Variants in CCDC30 observed in about 807,000 individuals in gnomAD.
CCDC30 encodes the protein coiled-coil domain-containing protein 30.
A neutral mutation model predicts 100.2 loss-of-function variants in CCDC30; 70 were observed. That is an observed-to-expected ratio of 0.70 (90% confidence interval 0.58 to 0.85). The LOEUF (loss-of-function observed/expected upper bound fraction) is 0.85, where lower values mean the gene tolerates loss of function less well. Ranked by LOEUF, CCDC30 falls within the 40% of genes least tolerant of loss-of-function variation. CCDC30 has a pLI of 0.00. For missense variants in CCDC30, 652 were observed against 771.2 expected (o/e 0.85, Z 1.83); for synonymous variants, 233 against 269.5 (o/e 0.86, Z 1.33).
In CCDC30 at chr1:42,556,184, G is replaced by A. The variant is rs1394273543; in HGVS notation, c.457-10112G>A. ...CAAATTAGGAGAAAGAAAGCAGAAG[G>A]AAATTCCAGAGGAGTCAGTAAAGGA... On this transcript the variant is annotated intron_variant, in intron 6 of 16. Coordinates refer to ENST00000668663, the Ensembl canonical transcript of CCDC30. The A allele has an allele frequency of 3.1e-6, 5 of 1,612,476 alleles. No homozygotes were observed. The South Asian group carries it at 5.5e-5, about 18-fold the overall frequency.
chr1:42,522,210 A>G lies in CCDC30; in HGVS notation c.456+23294A>G, dbSNP rs560833812. On this transcript the variant is annotated intron_variant, in intron 6 of 16. Coordinates refer to ENST00000668663, the Ensembl canonical transcript of CCDC30. ...TATTGTTATTTTTATTTTTTTTAATATTTTCAATCCAGGGTTGGTTGAAAT... is the reference window on the plus strand; with the variant it reads ...TATTGTTATTTTTATTTTTTTTAATGTTTTCAATCCAGGGTTGGTTGAAAT... 8.5e-5 allele frequency among the ~76,000 whole-genome samples: 13 copies of G among 152,100 alleles called. 1 individual carries two copies. The highest frequency in any genetic ancestry group is 3.1e-4 in the African/African-American group (13 of 41,510).
At chr1:42,502,550 G>A (rs1400135362) in intron 6 of CCDC30, among the ~76,000 whole-genome samples, 2 of 152,272 alleles carry the variant, frequency 1.3e-5, no homozygotes, top group Middle Eastern at 3.4e-3. Context: ...CATCTTCTGC[G>A]TCGCTCATGC....
chr1:42,568,234 C>G lies in CCDC30; in HGVS notation c.636+1759C>G, dbSNP rs573242213. Among the ~76,000 whole-genome samples the G allele has an allele frequency of 2.0e-5, 3 of 152,316 alleles. No individual in the cohort carries two copies. In the South Asian group the frequency reaches 6.2e-4, roughly 32 times the overall value. ...GGTTCAAGAGATTCTCCTGCCTCAG[C>G]TTCCTGAGTTGCTGGGATTATAGGC... On this transcript the variant is annotated intron_variant, in intron 7 of 16. Transcript: ENST00000668663.
intron 1 of CCDC30, among the ~76,000 whole-genome samples, chr1:42,471,765 C>A: frequency 6.6e-6 from 1 of 152,098 alleles, no homozygotes; most frequent in East Asian, 1.9e-4. Context: ...GGGTGTTTTT[C>A]ATCAGTATGA....
the CCDC30 span, chr1:42,457,585 T>TC: frequency 1.8e-6 from 1 of 550,270 alleles, no homozygotes; most frequent in East Asian, 3.1e-5. Context: ...CAAAGTGCAG[T>TC]CAGATCATGG....
chr1:42,615,663 A>G (rs1646713915), intron 11 of CCDC30, among the ~76,000 whole-genome samples: 1 of 152,150 alleles, frequency 6.6e-6, no homozygotes, highest in Non-Finnish European at 1.5e-5. Context: ...TGTAGGAACA[A>G]TGGGGATGCA....
intron 4 of CCDC30, among the ~76,000 whole-genome samples, chr1:42,494,085 C>T (rs2148470508): frequency 6.6e-6 from 1 of 152,268 alleles, no homozygotes; most frequent in South Asian, 2.1e-4. Flanking sequence ...CTGGAGGCAT[C>T]ATGCTACCTG....
intron 6 of CCDC30, chr1:42,542,770 G>A (rs1252018475): frequency 1.8e-5 from 2 of 112,044 alleles, no homozygotes; most frequent in Non-Finnish European, 4.1e-5. Context: ...AGCCAGGATG[G>A]TCTCGATCTC....
At chr1:42,524,295 A>G (rs1489040690) in intron 6 of CCDC30, among the ~76,000 whole-genome samples, 4 of 152,070 alleles carry the variant, frequency 2.6e-5, no homozygotes, top group Admixed American at 6.6e-5. Context: ...GTATAAGCTT[A>G]AGGTCTTCTG....
rs370371677 is a variant in CCDC30 at position 42,578,657 on chromosome 1, T to TATAAAACATTTATAA, written c.846+1429_846+1430insTAAAACATTTATAAA. Reference sequence around the variant, plus strand: ...ATATATTAACTTCACTTGGAAGAGTTAACTAGTATAAATGTTTTAAAGATG... The same window carrying TATAAAACATTTATAA: ...ATATATTAACTTCACTTGGAAGAGTTATAAAACATTTATAAAACTAGTATAAATGTTTTAAAGATG... On this transcript the variant is annotated intron_variant, in intron 8 of 16. Coordinates refer to ENST00000668663, the Ensembl canonical transcript of CCDC30. 3.8e-3 allele frequency among the ~76,000 whole-genome samples: 577 copies of TATAAAACATTTATAA among 152,304 alleles called. 1 individual carries two copies. Among genetic ancestry groups the TATAAAACATTTATAA allele is most frequent in the African/African-American group, 0.012 (511 of 41,562 alleles).
chr1:42,474,392 G>T (rs773335559), intron 1 of CCDC30, among the ~76,000 whole-genome samples: 4 of 152,142 alleles, frequency 2.6e-5, no homozygotes, highest in Non-Finnish European at 4.4e-5. Context: ...AATTACCCAT[G>T]TACTTGGCAC....
intron 6 of CCDC30, among the ~76,000 whole-genome samples, chr1:42,564,480 G>A (rs1297927094): frequency 6.6e-6 from 1 of 151,958 alleles, no homozygotes; most frequent in African/African-American, 2.4e-5. Flanking sequence ...ACCCAGCTAA[G>A]GGTTTCGCCA....
At chr1:42,461,208 T>C (rs976705095), upstream of CCDC30, among the ~76,000 whole-genome samples, 13 of 152,196 alleles carry the variant, frequency 8.5e-5, no homozygotes, top group African/African-American at 3.1e-4. Context: ...AGAAGTACAA[T>C]AAATTTAATT....
intron 11 of CCDC30, among the ~76,000 whole-genome samples, chr1:42,618,229 C>CTTTTTTTTTTTTTT (rs563022326): frequency 3.3e-5 from 3 of 90,464 alleles, no homozygotes; most frequent in Admixed American, 1.2e-4. Flanking sequence ...CCAGTGATAT[C>CTTTTTTTTTTTTTT]TTTTTTTTTT....
intron 1 of CCDC30, among the ~76,000 whole-genome samples, chr1:42,466,942 A>C (rs535242057): frequency 6.6e-6 from 1 of 152,362 alleles, no homozygotes; most frequent in African/African-American, 2.4e-5. Flanking sequence ...TATTACTTCA[A>C]GATCTAGTTT....
intron 7 of CCDC30, among the ~76,000 whole-genome samples, chr1:42,567,950 AAGAG>A (rs1157466296): frequency 4.0e-5 from 6 of 151,468 alleles, no homozygotes; most frequent in African/African-American, 7.3e-5. Flanking sequence ...TTTAAAAAAA[AAGAG>A]AGAGAGAATT....
intron 6 of CCDC30, among the ~76,000 whole-genome samples, chr1:42,559,484 G>C (rs1319309035): frequency 2.0e-5 from 3 of 152,000 alleles, no homozygotes; most frequent in African/African-American, 7.3e-5. Context: ...AAAAAGCAGG[G>C]GTTGCAATCC....
At chr1:42,512,432 T>G (rs1391521920) in intron 6 of CCDC30, among the ~76,000 whole-genome samples, 1 of 151,844 alleles carries the variant, frequency 6.6e-6, no homozygotes, top group Non-Finnish European at 1.5e-5. Context: ...GGGCAGGGAG[T>G]GACCTCACTG....
chr1:42,625,119 T>C (rs964121377), intron 11 of CCDC30, among the ~76,000 whole-genome samples: 2 of 152,142 alleles, frequency 1.3e-5, no homozygotes, highest in Non-Finnish European at 1.5e-5. Flanking sequence ...TGTTATGTTG[T>C]ATGTGTTTAG....
Sources: gnomAD v4.1 joint callset for allele counts (sites outside exome capture counted in the v4.1 genomes callset) on GRCh38, gnomAD v4.1.1 for gene constraint, MANE v1.5 for transcripts, NCBI Gene and HGNC (gene_info 2026-07-23, HGNC 2026-07-21) for gene names.